The following OTUD7A variants were observed in gnomAD, a reference collection of about 807,000 sequenced individuals.
OTUD7A encodes the protein OTU domain-containing protein 7A.
Under a neutral mutation model 65.7 loss-of-function variants are expected in OTUD7A, and 12 were observed. The ratio of observed to expected loss-of-function variants is 0.18; its 90% confidence interval spans 0.12 to 0.30. OTUD7A has a LOEUF of 0.30. Ranked by LOEUF, OTUD7A falls within the 10% of genes least tolerant of loss-of-function variation. The probability of loss-of-function intolerance (pLI) is 1.00; values close to 1 mark genes in which losing one functional copy is unlikely to be tolerated. For missense variants in OTUD7A, 1,148 were observed against 1,304.8 expected (o/e 0.88, Z 1.85); for synonymous variants, 641 against 586.3 (o/e 1.09, Z -1.35).
Position 31,777,682 on chromosome 15 carries a change from G to A in OTUD7A, c.-100+92825C>T, listed in dbSNP as rs191642544. On this transcript the variant is annotated intron_variant, in intron 1 of 12. Coordinates refer to ENST00000307050, the MANE Select transcript of OTUD7A (RefSeq NM_001382637.1). ...CCAGGCCCCCAGGCAGCCAGGCAGGGGCTTCCATGTTGGATGCACATGGAA... is the reference window on the plus strand; with the variant it reads ...CCAGGCCCCCAGGCAGCCAGGCAGGAGCTTCCATGTTGGATGCACATGGAA... Among the ~76,000 whole-genome samples, 78 of 152,268 alleles carry A rather than the reference G, an allele frequency of 5.1e-4. 3 individuals carry two copies. The highest frequency in any genetic ancestry group is 1.7e-3 in the African/African-American group (70 of 41,554).
chr15:31,581,437 T>C (rs1889367134), intron 3 of OTUD7A, among the ~76,000 whole-genome samples: 1 of 152,238 alleles, frequency 6.6e-6, no homozygotes, highest in African/African-American at 2.4e-5. Context: ...CCATCCCACA[T>C]TTCCCTTCCA....
rs565678786 is a variant in OTUD7A, at chr15:31,480,273, T to C, written c.*3021A>G. On this transcript the variant is annotated 3_prime_UTR_variant, in exon 13 of 13. Transcript: ENST00000307050. Reference sequence around the variant, plus strand: ...ACTGAAAAACACCTTCCCTTAACAATATTTTAAAAAAATCATTTACCCAGA... The same window carrying C: ...ACTGAAAAACACCTTCCCTTAACAACATTTTAAAAAAATCATTTACCCAGA... The C allele has an allele frequency of 8.5e-5, 13 of 152,282 alleles. No homozygotes were observed. In the South Asian group the frequency reaches 2.7e-3, roughly 32 times the overall value. 9.4% of individuals were successfully genotyped at this position (152,282 alleles called of 1,614,324 possible).
At chr15:31,813,594 C>T (rs905930239) in intron 1 of OTUD7A, among the ~76,000 whole-genome samples, 1 of 152,202 alleles carries the variant, frequency 6.6e-6, no homozygotes, top group Non-Finnish European at 1.5e-5. Flanking sequence ...TAAACAATTT[C>T]TATGTTGCAG....
chr15:31,562,574 T>C (rs1250779099), intron 4 of OTUD7A, among the ~76,000 whole-genome samples: 3 of 152,074 alleles, frequency 2.0e-5, no homozygotes, highest in African/African-American at 7.2e-5. Context: ...CTGGGCCTCC[T>C]GTTTCCAAGG....
chr15:31,835,376 T>C (rs1184936505), intron 1 of OTUD7A, among the ~76,000 whole-genome samples: 1 of 152,246 alleles, frequency 6.6e-6, no homozygotes, highest in Non-Finnish European at 1.5e-5. Context: ...CGTATTATTA[T>C]CATCTTCCAG....
intron 3 of OTUD7A, among the ~76,000 whole-genome samples, chr15:31,614,976 C>T (rs1160066172): frequency 1.3e-5 from 2 of 152,198 alleles, no homozygotes; most frequent in East Asian, 1.9e-4. Context: ...TAACCTCTAT[C>T]GTAACTACCA....
At chr15:31,673,598 TG>T (rs1892532699) in intron 1 of OTUD7A, among the ~76,000 whole-genome samples, 1 of 147,140 alleles carries the variant, frequency 6.8e-6, no homozygotes, top group South Asian at 2.1e-4. Context: ...CAAATCTAGC[TG>T]TTACACTGGC....
At chr15:31,839,147 G>C (rs573502023) in intron 1 of OTUD7A, among the ~76,000 whole-genome samples, 1 of 152,328 alleles carries the variant, frequency 6.6e-6, no homozygotes, top group South Asian at 2.1e-4. Flanking sequence ...CTGGCTTGGA[G>C]CACCGTTCGA....
chr15:31,679,839 T>C (rs1466075192), intron 1 of OTUD7A, among the ~76,000 whole-genome samples: 1 of 151,836 alleles, frequency 6.6e-6, no homozygotes, highest in African/African-American at 2.4e-5. Flanking sequence ...CCAAAGACAA[T>C]AAACAAAGTT....
intron 1 of OTUD7A, among the ~76,000 whole-genome samples, chr15:31,672,644 T>C (rs992934188): frequency 6.6e-6 from 1 of 152,226 alleles, no homozygotes; most frequent in Non-Finnish European, 1.5e-5. Context: ...AAAGTCACCA[T>C]TGTTCCATCA....
At chr15:31,841,705 T>C (rs1897187142) in intron 1 of OTUD7A, among the ~76,000 whole-genome samples, 1 of 152,200 alleles carries the variant, frequency 6.6e-6, no homozygotes, top group Non-Finnish European at 1.5e-5. Flanking sequence ...AAAATGCCAC[T>C]GTATTCCTGC....
intron 1 of OTUD7A, among the ~76,000 whole-genome samples, chr15:31,821,303 C>CTTTTTT (rs57817074): frequency 8.8e-6 from 1 of 113,204 alleles, no homozygotes; most frequent in African/African-American, 3.8e-5. Flanking sequence ...GCCCAGGTAC[C>CTTTTTT]TTTTTTTTTT....
chr15:31,703,005 G>C (rs937704309), intron 1 of OTUD7A, among the ~76,000 whole-genome samples: 1 of 151,552 alleles, frequency 6.6e-6, no homozygotes, highest in Non-Finnish European at 1.5e-5. Context: ...AATGGTGCTG[G>C]AACAAGGGAC....
chr15:31,716,506 C>A (rs1485157856), intron 1 of OTUD7A, among the ~76,000 whole-genome samples: 2 of 122,480 alleles, frequency 1.6e-5, no homozygotes, highest in Non-Finnish European at 3.6e-5. Context: ...AACAGGACAG[C>A]GGGGAGCATG....
chr15:31,820,394 T>C (rs1896648922), intron 1 of OTUD7A, among the ~76,000 whole-genome samples: 1 of 152,224 alleles, frequency 6.6e-6, no homozygotes, highest in African/African-American at 2.4e-5. Context: ...TAGGTTGAGA[T>C]CATCACTTGA....
At chr15:31,716,763 T>TA (rs1893597778) in intron 1 of OTUD7A, among the ~76,000 whole-genome samples, 1 of 150,536 alleles carries the variant, frequency 6.6e-6, no homozygotes, top group Non-Finnish European at 1.5e-5. Context: ...TGGACTACAC[T>TA]ATGCAGAATC....
intron 1 of OTUD7A, among the ~76,000 whole-genome samples, chr15:31,664,229 T>C (rs1476314067): frequency 6.7e-6 from 1 of 149,710 alleles, no homozygotes; most frequent in East Asian, 1.9e-4. Flanking sequence ...CTACTTTTAG[T>C]TCTTTAAGGA....
At chr15:31,629,761 A>C (rs185310521) in intron 3 of OTUD7A, among the ~76,000 whole-genome samples, 1 of 152,306 alleles carries the variant, frequency 6.6e-6, no homozygotes, top group East Asian at 1.9e-4. Flanking sequence ...TTATTGCTAA[A>C]ATTTCAGAGC....
rs533818774 is a variant in OTUD7A at position 31,559,822 on chromosome 15, G to A, written c.332-635C>T. Among the ~76,000 whole-genome samples, 16 of 152,068 alleles carry A rather than the reference G, an allele frequency of 1.1e-4. 1 individual carries two copies. The highest frequency in any genetic ancestry group is 2.0e-4 in the Admixed American group (3 of 15,286). On this transcript the variant is annotated intron_variant, in intron 4 of 12. Transcript: ENST00000307050. ...ATGCACAGACTATATGCATACACAC[G>A]TACACATACATGTGTGCACACACAT...
Sources: allele counts gnomAD v4.1 joint callset (sites outside exome capture counted in the v4.1 genomes callset), GRCh38; gene constraint gnomAD v4.1.1; transcripts MANE v1.5; gene names NCBI Gene and HGNC (gene_info 2026-07-23, HGNC 2026-07-21).